Variants in MMEL1 observed in about 807,000 individuals in gnomAD.
The protein encoded by MMEL1 is membrane metalloendopeptidase like 1, also known as membrane metallo-endopeptidase-like 1.
In MMEL1, 98 loss-of-function variants were observed where a neutral mutation model predicts 117.1. The ratio of observed to expected loss-of-function variants is 0.84; its 90% CI spans 0.71 to 0.99. The LOEUF (loss-of-function observed/expected upper bound fraction) is 0.99, where lower values mean the gene tolerates loss of function less well. MMEL1 is among the 50% of genes least tolerant of loss of function. The pLI, the probability that MMEL1 is intolerant of heterozygous loss-of-function variation, is 0.00. For synonymous variants in MMEL1, 390 were observed against 415.1 expected, an observed-to-expected ratio of 0.94 and a Z score of 0.74; for missense variants, 1,014 against 1,049.1, an observed-to-expected ratio of 0.97 and a Z score of 0.46.
At position 2,611,312 on chromosome 1, in the gene MMEL1, C is replaced by T. The variant is rs1645123707; in HGVS notation, c.261G>A (p.Glu87=). The T allele has an allele frequency of 6.4e-7, 1 of 1,566,128 alleles. No homozygotes were observed. The highest frequency in any genetic ancestry group is 1.4e-5 in the African/African-American group (1 of 72,818). Reference sequence around the variant, plus strand: ...TCACGCAGCCAGGGGTGGTGCAGACCTCGCTCACCTCTTGGGCCTCTGGGA... The same window carrying T: ...TCACGCAGCCAGGGGTGGTGCAGACTTCGCTCACCTCTTGGGCCTCTGGGA... ...RGIPEAQEVS[E]VCTTPGCVIA... The change falls in exon 4 of 24, where the codon GAG becomes GAA. Residue 87 remains glutamate, a synonymous_variant. Transcript: ENST00000378412.
At position 2,598,299 on chromosome 1, in the gene MMEL1, T is replaced by A. The variant is rs1644879005; in HGVS notation, c.1180A>T (p.Thr394Ser). The A allele has an allele frequency of 6.2e-7, 1 of 1,613,828 alleles. No homozygotes were observed. Among genetic ancestry groups the A allele is most frequent in the Admixed American group, 1.7e-5 (1 of 60,002 alleles). The change falls in exon 13 of 24, where the codon ACC becomes TCC. Residue 394 changes from threonine (T) to serine (S), a missense_variant and splice_region_variant. Physicochemically the swap from Thr to Ser is moderately conservative, Grantham distance 58. Coordinates refer to ENST00000378412, the MANE Select transcript of MMEL1 (RefSeq NM_033467.4). ...ENIIDTYSARTIQNYLVWRLV... is the reference protein window; with the variant it reads ...ENIIDTYSARSIQNYLVWRLV... ...CGCCAGACCAGGTAGTTCTGTATGGTCCTGGGGGCAGAAGGTAGAGGGTGA... is the reference window on the plus strand; with the variant it reads ...CGCCAGACCAGGTAGTTCTGTATGGACCTGGGGGCAGAAGGTAGAGGGTGA...
At chr1:2,593,999 G>A in intron 18 of MMEL1, 66 bp from the exon 19 acceptor site, 1 of 1,509,772 alleles carries the variant, frequency 6.6e-7, no homozygotes, top group Non-Finnish European at 8.8e-7. Context: ...CCAGGCTCAG[G>A]GATGGCGCTG....
rs1320133623 is a variant in MMEL1 at position 2,629,382 on chromosome 1, G to C, written c.103C>G (p.Leu35Val). 3.3e-5 allele frequency: 42 copies of C among 1,260,080 alleles called. No individual in the cohort carries two copies. In the South Asian group the frequency reaches 3.7e-4, roughly 11 times the overall value. 78.1% of individuals were successfully genotyped at this position (1,260,080 alleles called of 1,614,324 possible). A position where few individuals can be genotyped will look rare whatever the true frequency, so the allele number is the denominator to read the frequency against. The change falls in exon 2 of 24, where the codon CTG becomes GTG. Residue 35 changes from leucine (L) to valine (V), a missense_variant. Transcript: ENST00000378412. ...AAGGCCACCAGGGCAGCGGTCACCA[G>C]CAGCAGCAGCAGCAGCAGCCCCCCC... ...LEGGLLLLLL[L>V]VTAALVALGV...
chr1:2,631,137 C>T (rs1557566925), intron 1 of MMEL1, among the ~76,000 whole-genome samples: 1 of 152,210 alleles, frequency 6.6e-6, no homozygotes, highest in East Asian at 1.9e-4. Flanking sequence ...ACATCCCTCG[C>T]TGGCACTCGG....
chr1:2,623,084 G>A (rs1455920720), intron 2 of MMEL1, among the ~76,000 whole-genome samples: 5 of 151,374 alleles, frequency 3.3e-5, no homozygotes, highest in South Asian at 4.2e-4. Context: ...CAGGAGACTC[G>A]CTTGAACCCA....
rs200566151 is a variant in MMEL1 at position 2,591,604 on chromosome 1, G to A, written c.2193C>T (p.Phe731=). 1.0e-4 allele frequency: 163 copies of A among 1,602,950 alleles called. No homozygotes were observed. The highest frequency in any genetic ancestry group is 9.5e-5 in the Non-Finnish European group (112 of 1,174,628). ...CGTCTGTCTTGATGGATTGGATGGCGAACTCGGGCCGGTAGGACCCGCACC... is the reference window on the plus strand; with the variant it reads ...CGTCTGTCTTGATGGATTGGATGGCAAACTCGGGCCGGTAGGACCCGCACC... ...QVWCGSYRPE[F]AIQSIKTDVH... The change falls in exon 23 of 24, where the codon TTC becomes TTT. Residue 731 remains phenylalanine, a synonymous_variant. Transcript: ENST00000378412.
At chr1:2,598,902 A>AG (rs34705971) in intron 11 of MMEL1, 112 bp from the exon 12 acceptor site, 546,443 of 865,654 alleles carry the variant, frequency 0.63, 178,195 homozygotes, top group Middle Eastern at 0.68. Flanking sequence ...ATAAGAGAGA[A>AG]GTGCAGGTAA....
chr1:2,627,838 G>A (rs936526228), intron 2 of MMEL1, among the ~76,000 whole-genome samples: 2 of 152,168 alleles, frequency 1.3e-5, no homozygotes, highest in Admixed American at 1.3e-4. Context: ...TCTTGACGGG[G>A]AACAGAGGGC....
intron 4 of MMEL1, among the ~76,000 whole-genome samples, chr1:2,610,685 C>A (rs1236341750): frequency 6.6e-6 from 1 of 152,230 alleles, no homozygotes; most frequent in East Asian, 1.9e-4. Context: ...GAGACCCAGG[C>A]TTCCCACTGA....
Position 2,598,786 on chromosome 1 carries a change from A to T in MMEL1, c.1046T>A (p.Phe349Tyr). The T allele has an allele frequency of 6.2e-7, 1 of 1,612,204 alleles. No individual in the cohort carries two copies. The highest frequency in any genetic ancestry group is 1.1e-5 in the South Asian group (1 of 91,004). The change falls in exon 12 of 24, where the codon TTT (phenylalanine) becomes TAT (tyrosine). Residue 349 changes from phenylalanine (F) to tyrosine (Y), a missense_variant. Coordinates refer to ENST00000378412, the MANE Select transcript of MMEL1 (RefSeq NM_033467.4). ...ELQSQFGLKG[F>Y]NWTLFIQTVL... Reference sequence around the variant, plus strand: ...AGTTTGTATGAACAGAGTCCAGTTAAATCCCTGCAGATAGAGGAAGTGGGG... The same window carrying T: ...AGTTTGTATGAACAGAGTCCAGTTATATCCCTGCAGATAGAGGAAGTGGGG...
intron 14 of MMEL1, 146 bp downstream of exon 14, chr1:2,596,415 G>A: frequency 5.1e-6 from 6 of 1,171,162 alleles, no homozygotes; most frequent in Non-Finnish European, 7.1e-6. Context: ...GGCATGGGGT[G>A]GGCACGGCTT....
chr1:2,595,011 C>A lies in MMEL1; in HGVS notation c.1585-118G>T. 1 of 849,600 alleles carries A rather than the reference C, an allele frequency of 1.2e-6. No individual in the cohort carries two copies. Among genetic ancestry groups the A allele is most frequent in the South Asian group, 1.6e-5 (1 of 62,248 alleles). 52.6% of individuals were successfully genotyped at this position (849,600 alleles called of 1,614,324 possible). A position where few individuals can be genotyped will look rare whatever the true frequency, so the allele number is the denominator to read the frequency against. ...GCCTTGCCAGGCGTCCGCACGTGGA[C>A]AGTCGGCTGTGGGTGCAGGTGAACG... On this transcript the variant is annotated intron_variant, in intron 16 of 23. Coordinates refer to ENST00000378412, the MANE Select transcript of MMEL1 (RefSeq NM_033467.4). This position sits in a 1 kb window ranked among gnomAD's most constrained non-coding sequence, Gnocchi z 4.8.
At position 2,594,952 on chromosome 1, in the gene MMEL1, G is replaced by A. The variant is rs1309597648; in HGVS notation, c.1585-59C>T. 4.1e-6 allele frequency: 6 copies of A among 1,448,684 alleles called. No individual in the cohort carries two copies. The East Asian group carries it at 1.1e-4, about 27-fold the overall frequency. The allele number at this position is 1,448,684 out of a possible 1,614,324, so 89.7% of individuals were successfully genotyped here. A position where few individuals can be genotyped will look rare whatever the true frequency, so the allele number is the denominator to read the frequency against. On this transcript the variant is annotated intron_variant, in intron 16 of 23. Transcript: ENST00000378412. ...GGGCCGGGCCCTCAGAGGAGCAAGGGGAGAGGTCCTGGGTGGTTGGGGAAG... is the reference window on the plus strand; with the variant it reads ...GGGCCGGGCCCTCAGAGGAGCAAGGAGAGAGGTCCTGGGTGGTTGGGGAAG...
In MMEL1 at chr1:2,594,872, A is replaced by C. The variant is rs1358933201; in HGVS notation, c.1606T>G (p.Tyr536Asp). 1.2e-6 allele frequency: 2 copies of C among 1,613,918 alleles called. No individual in the cohort carries two copies. Among genetic ancestry groups the C allele is most frequent in the Non-Finnish European group, 1.7e-6 (2 of 1,179,932 alleles). ...YSNLNFSEDL[Y>D]FENSLQNLKV... is the part of the protein sequence containing the mutation. The stretch of plus-strand genomic sequence containing the variant: ...AGGTTCTGCAGACTGTTCTCAAAGT[A>C]CAGGTCCTCTGAGAAGTTCAGCTAC... Residue 536 changes from tyrosine (Y) to aspartate (D), a missense_variant, in exon 17 of 24, where the codon TAC becomes GAC. Coordinates refer to ENST00000378412, the MANE Select transcript of MMEL1 (RefSeq NM_033467.4).
At chr1:2,629,826 C>T (rs547885651) in intron 1 of MMEL1, 4 of 224,192 alleles carry the variant, frequency 1.8e-5, no homozygotes, top group East Asian at 9.4e-5. Context: ...TGGAGCCCCC[C>T]CCCTGGGCTG....
intron 2 of MMEL1, among the ~76,000 whole-genome samples, chr1:2,619,934 TG>T (rs1645265722): frequency 6.6e-6 from 1 of 151,588 alleles, no homozygotes; most frequent in Non-Finnish European, 1.5e-5. Context: ...TGGAGGACAG[TG>T]GGAAAAATGG....
Position 2,590,998 on chromosome 1 carries a change from C to T in MMEL1, c.2332G>A (p.Val778Met), listed in dbSNP as rs577504335. The T allele has an allele frequency of 2.8e-5, 45 of 1,589,054 alleles. No homozygotes were observed. The highest frequency in any genetic ancestry group is 1.1e-4 in the Admixed American group (6 of 56,416). ...TPMHPKERCR[V>M]W ...GCGCGGCAGGGCCTTGGCTACCACA[C>T]GCGGCATCGCTCCTTGGGGTGCATG... Residue 778 changes from valine to methionine, a missense_variant, in exon 24 of 24, where the codon GTG (valine) becomes ATG (methionine). Physicochemically the swap from Val to Met is conservative, Grantham distance 21. Transcript: ENST00000378412.
chr1:2,628,474 G>C (rs997617644), intron 2 of MMEL1, among the ~76,000 whole-genome samples: 10 of 152,230 alleles, frequency 6.6e-5, no homozygotes, highest in Non-Finnish European at 1.2e-4. Context: ...CATGAGCTCT[G>C]AGTCCGGTGC....
chr1:2,593,306 G>T (rs531113769), intron 19 of MMEL1, among the ~76,000 whole-genome samples: 1 of 152,218 alleles, frequency 6.6e-6, no homozygotes, highest in Admixed American at 6.5e-5. Flanking sequence ...AGAGGAGTAC[G>T]TGGTCCCTGG....
Sources: allele counts gnomAD v4.1 joint callset (sites outside exome capture counted in the v4.1 genomes callset), GRCh38; gene constraint gnomAD v4.1.1; non-coding constraint Gnocchi (gnomAD v3.1); transcripts MANE v1.5; gene names NCBI Gene and HGNC (gene_info 2026-07-23, HGNC 2026-07-21).